Variants in YAF2 observed in about 807,000 individuals in gnomAD.
The protein encoded by YAF2 is YY1 associated factor 2.
A neutral mutation model predicts 20.1 loss-of-function variants in YAF2; 7 were observed. The observed-to-expected ratio is 0.35, with a 90% CI of 0.20 to 0.65. The LOEUF (loss-of-function observed/expected upper bound fraction) is 0.65, where lower values mean the gene tolerates loss of function less well. Among genes scored for constraint, YAF2 ranks in the 30% least tolerant of loss-of-function variants. The pLI is 0.69. For synonymous variants in YAF2, 74 were observed against 76.0 expected (o/e 0.97, Z 0.14); for missense variants, 151 against 219.2 (o/e 0.69, Z 1.96).
chr12:42,184,048 T>C (rs931957461), intron 2 of YAF2, among the ~76,000 whole-genome samples: 10 of 152,246 alleles, frequency 6.6e-5, no homozygotes, highest in African/African-American at 2.2e-4. Context: ...GTTTACAGCA[T>C]AGTGTACTGA....
chr12:42,203,048 C>T (rs1364726248), intron 2 of YAF2, among the ~76,000 whole-genome samples: 4 of 149,072 alleles, frequency 2.7e-5, no homozygotes, highest in Non-Finnish European at 4.4e-5. Flanking sequence ...TAATTTTGCA[C>T]AGGAAGGTCA....
At chr12:42,204,065 T>C (rs548640892) in intron 2 of YAF2, among the ~76,000 whole-genome samples, 1 of 151,930 alleles carries the variant, frequency 6.6e-6, no homozygotes, top group South Asian at 2.1e-4. Flanking sequence ...AGACCCCATC[T>C]CTAAAAAAAC....
chr12:42,214,227 A>G (rs2067289290), intron 2 of YAF2, among the ~76,000 whole-genome samples: 1 of 152,170 alleles, frequency 6.6e-6, no homozygotes, highest in Admixed American at 6.5e-5. Context: ...ACTCCTAACC[A>G]AAGGGCTTTC....
chr12:42,227,844 T>TG (rs1260645926), intron 2 of YAF2, among the ~76,000 whole-genome samples: 1,718 of 103,476 alleles, frequency 0.017, 24 homozygotes, highest in Non-Finnish European at 0.024. Flanking sequence ...GGGAGGGAGG[T>TG]GGGGGGGTCA....
chr12:42,176,916 G>C (rs1310249332), intron 2 of YAF2, among the ~76,000 whole-genome samples: 2 of 152,130 alleles, frequency 1.3e-5, no homozygotes, highest in Non-Finnish European at 1.5e-5. Context: ...GCAGTGAACC[G>C]AGATCACGCC....
At chr12:42,234,443 TC>T in intron 2 of YAF2, 1 of 981,102 alleles carries the variant, frequency 1.0e-6, no homozygotes, top group Non-Finnish European at 1.2e-6. Flanking sequence ...TACACTGGAA[TC>T]CCAATCCCAC....
intron 2 of YAF2, among the ~76,000 whole-genome samples, chr12:42,170,443 TG>T (rs1343106738): frequency 1.2e-4 from 18 of 152,360 alleles, no homozygotes; most frequent in African/African-American, 4.3e-4. Context: ...ACTTGATATC[TG>T]TGTTGGTTCC....
chr12:42,218,170 A>G (rs74431742), intron 2 of YAF2, among the ~76,000 whole-genome samples: 1,573 of 145,006 alleles, frequency 0.011, 28 homozygotes, highest in African/African-American at 0.039. Flanking sequence ...GACAGTCTAC[A>G]TCAGGCTACT....
At chr12:42,204,423 CATT>C (rs2066984152) in intron 2 of YAF2, among the ~76,000 whole-genome samples, 2 of 152,088 alleles carry the variant, frequency 1.3e-5, no homozygotes, top group Non-Finnish European at 2.9e-5. Flanking sequence ...TTTCCCTTGT[CATT>C]ATTCTCTAAG....
chr12:42,165,115 C>T (rs2065882925), intron 2 of YAF2, among the ~76,000 whole-genome samples: 4 of 149,758 alleles, frequency 2.7e-5, no homozygotes, highest in South Asian at 2.1e-4. Flanking sequence ...TTTTATTGCA[C>T]ATTTACATGT....
In YAF2 at chr12:42,216,126, A is replaced by T. The variant is rs1305063406; in HGVS notation, c.152+21473T>A. ...TAGACTTAAAGATAGATATTACTAG[A>T]TAATTATATCCTTGGGAAACAAAGT... On this transcript the variant is annotated intron_variant, in intron 2 of 3. Transcript: ENST00000534854. 3.3e-5 allele frequency among the ~76,000 whole-genome samples: 5 copies of T among 152,268 alleles called. No homozygotes were observed. The South Asian group carries it at 1.0e-3, about 32-fold the overall frequency.
At chr12:42,237,061 CTACT>C (rs1241400434) in intron 2 of YAF2, among the ~76,000 whole-genome samples, 1 of 152,182 alleles carries the variant, frequency 6.6e-6, no homozygotes, top group East Asian at 1.9e-4. Flanking sequence ...TCATCTCCAA[CTACT>C]TATTTATAAA....
rs567381921 is a variant in YAF2 at position 42,173,309 on chromosome 12, A to G, written c.153-11544T>C. On this transcript the variant is annotated intron_variant, in intron 2 of 3. Coordinates refer to ENST00000534854, the MANE Select transcript of YAF2 (RefSeq NM_005748.6). Reference sequence around the variant, plus strand: ...CACTTCTGCAGCAGACCAGAACACAATTTTCCCCCAACTCCTGGCAGGTGG... The same window carrying G: ...CACTTCTGCAGCAGACCAGAACACAGTTTTCCCCCAACTCCTGGCAGGTGG... Among the ~76,000 whole-genome samples the G allele has an allele frequency of 4.6e-5, 7 of 152,200 alleles. No homozygotes were observed. In the East Asian group the frequency reaches 1.3e-3, roughly 29 times the overall value.
At chr12:42,198,736 T>C (rs756957942) in intron 2 of YAF2, among the ~76,000 whole-genome samples, 9 of 152,186 alleles carry the variant, frequency 5.9e-5, no homozygotes, top group Admixed American at 2.6e-4. Context: ...AATTGATTAA[T>C]AGTTAAGATA....
chr12:42,223,331 T>TACACAC (rs71434396), intron 2 of YAF2, among the ~76,000 whole-genome samples: 109 of 148,220 alleles, frequency 7.4e-4, no homozygotes, highest in Admixed American at 2.3e-3. Flanking sequence ...TTAAAATACA[T>TACACAC]ACACACACAC....
At position 42,160,516 on chromosome 12, in the gene YAF2, TG is replaced by T; in HGVS notation, c.*72del. 1 of 1,089,824 alleles carries T rather than the reference TG, an allele frequency of 9.2e-7. No homozygotes were observed. Among genetic ancestry groups the T allele is most frequent in the Non-Finnish European group, 1.4e-6 (1 of 735,918 alleles). The allele number at this position is 1,089,824 out of a possible 1,614,324, so 67.5% of individuals were successfully genotyped here. On this transcript the variant is annotated 3_prime_UTR_variant, in exon 4 of 4. Coordinates refer to ENST00000534854, the MANE Select transcript of YAF2 (RefSeq NM_005748.6). ...CATGAATGTATCTGTCATGAAAATG[TG>T]GTACCTCTTGGCATAATCTGTGTAT...
chr12:42,216,282 T>C (rs2067355804), intron 2 of YAF2, among the ~76,000 whole-genome samples: 1 of 152,196 alleles, frequency 6.6e-6, no homozygotes, highest in South Asian at 2.1e-4. Context: ...AGTATTATCT[T>C]GTTACAACTT....
intron 2 of YAF2, among the ~76,000 whole-genome samples, chr12:42,195,931 G>A (rs980469823): frequency 1.3e-5 from 2 of 151,992 alleles, no homozygotes; most frequent in Non-Finnish European, 2.9e-5. Context: ...GACAGAGAAT[G>A]GGAGGACAGG....
chr12:42,202,540 T>C (rs1208130679), intron 2 of YAF2, among the ~76,000 whole-genome samples: 2 of 152,248 alleles, frequency 1.3e-5, no homozygotes, highest in Non-Finnish European at 2.9e-5. Flanking sequence ...GTCTCACTAA[T>C]TTCATTCAAC....
Sources: gnomAD v4.1 joint callset for allele counts (sites outside exome capture counted in the v4.1 genomes callset) on GRCh38, gnomAD v4.1.1 for gene constraint, MANE v1.5 for transcripts, NCBI Gene and HGNC (gene_info 2026-07-23, HGNC 2026-07-21) for gene names.